The following MACROD2 variants were observed in gnomAD, a reference collection of about 807,000 sequenced individuals.
MACROD2 encodes mono-ADP ribosylhydrolase 2, also known as ADP-ribose glycohydrolase MACROD2.
A neutral mutation model predicts 70.4 loss-of-function variants in MACROD2; 36 were observed. That is an observed-to-expected ratio of 0.51 (90% CI 0.39 to 0.68). The LOEUF is 0.68. MACROD2 is among the 30% of genes least tolerant of loss of function. The probability of loss-of-function intolerance (pLI) is 0.00; values close to 1 mark genes in which losing one functional copy is unlikely to be tolerated. For synonymous variants in MACROD2, 172 were observed against 178.8 expected, an observed-to-expected ratio of 0.96 and a Z score of 0.30; for missense variants, 496 against 538.4, an observed-to-expected ratio of 0.92 and a Z score of 0.78.
At chr20:15,479,439 AT>A (rs1281411889) in intron 7 of MACROD2, among the ~76,000 whole-genome samples, 1 of 150,882 alleles carries the variant, frequency 6.6e-6, no homozygotes, top group Non-Finnish European at 1.5e-5. Flanking sequence ...CGCCCGGCTA[AT>A]TTTTTGTATT....
intron 5 of MACROD2, among the ~76,000 whole-genome samples, chr20:14,862,018 T>TA (rs2073328743): frequency 4.0e-5 from 1 of 25,010 alleles, no homozygotes; most frequent in Non-Finnish European, 6.4e-5. Flanking sequence ...TATATATATA[T>TA]TTATATATAT....
At chr20:15,863,722 G>T (rs989601137) in intron 9 of MACROD2, among the ~76,000 whole-genome samples, 3 of 152,174 alleles carry the variant, frequency 2.0e-5, no homozygotes, top group African/African-American at 7.2e-5. Flanking sequence ...AATGAAGGGT[G>T]CTGATGCATA....
intron 5 of MACROD2, among the ~76,000 whole-genome samples, chr20:14,866,006 A>G (rs1379304844): frequency 1.3e-5 from 2 of 152,136 alleles, no homozygotes; most frequent in Non-Finnish European, 2.9e-5. Flanking sequence ...TTCCAAAAAT[A>G]GCTTCATAAT....
rs536804620 is a variant in MACROD2, at chr20:15,394,296, T to C, written c.541-37109T>C. Among the ~76,000 whole-genome samples the C allele has an allele frequency of 4.5e-4, 68 of 152,308 alleles. 1 individual carries two copies. Among genetic ancestry groups the C allele is most frequent in the Non-Finnish European group, 9.1e-4 (62 of 68,022 alleles). ...GAAAGGAAAACAAATGCCTACAATT[T>C]TGGGTCTTTTCATATCAACTTGGAG... On this transcript the variant is annotated intron_variant, in intron 6 of 17. Coordinates refer to ENST00000684519, the MANE Select transcript of MACROD2 (RefSeq NM_001351661.2).
intron 2 of MACROD2, among the ~76,000 whole-genome samples, chr20:14,051,033 T>G (rs1215735314): frequency 6.6e-6 from 1 of 152,176 alleles, no homozygotes; most frequent in Non-Finnish European, 1.5e-5. Flanking sequence ...TGAAATATAC[T>G]TGTGAAAAGA....
rs1176267641 is a variant in MACROD2 at position 16,052,851 on chromosome 20, G to A, written c.*2975G>A. The A allele has an allele frequency of 6.6e-6, 1 of 152,482 alleles. No homozygotes were observed. The highest frequency in any genetic ancestry group is 1.5e-5 in the Non-Finnish European group (1 of 68,008). 9.4% of individuals were successfully genotyped at this position (152,482 alleles called of 1,614,324 possible). A position where few individuals can be genotyped will look rare whatever the true frequency, so the allele number is the denominator to read the frequency against. On this transcript the variant is annotated 3_prime_UTR_variant, in exon 18 of 18. Coordinates refer to ENST00000684519, the MANE Select transcript of MACROD2 (RefSeq NM_001351661.2). ...TCAATATATTTTCTTGGGGAATAGG[G>A]TTTTTATTACATGATTCATTAAGGA...
At chr20:15,536,143 C>T (rs1051883669) in intron 8 of MACROD2, among the ~76,000 whole-genome samples, 1 of 152,170 alleles carries the variant, frequency 6.6e-6, no homozygotes, top group Admixed American at 6.5e-5. Context: ...TCCAGAGGCT[C>T]GAATCCACTA....
At chr20:14,675,842 G>T (rs1204479263) in intron 4 of MACROD2, among the ~76,000 whole-genome samples, 1 of 151,922 alleles carries the variant, frequency 6.6e-6, no homozygotes, top group Non-Finnish European at 1.5e-5. Context: ...CAAAATAAAG[G>T]GATGGAGGAA....
intron 8 of MACROD2, among the ~76,000 whole-genome samples, chr20:15,610,036 A>G (rs1413260642): frequency 6.6e-6 from 1 of 152,182 alleles, no homozygotes; most frequent in Non-Finnish European, 1.5e-5. Context: ...CCCTTTTGCT[A>G]GCACTCCTGG....
chr20:14,311,676 C>G (rs1209469588), intron 3 of MACROD2, among the ~76,000 whole-genome samples: 1 of 152,046 alleles, frequency 6.6e-6, no homozygotes, highest in East Asian at 1.9e-4. Context: ...CGCCACCATG[C>G]CTGCCTAATT....
rs774538592 is a variant in MACROD2, at chr20:14,325,642, A to G, written c.272-167837A>G. 18 of 1,613,762 alleles carry G rather than the reference A, an allele frequency of 1.1e-5. No homozygotes were observed. Among genetic ancestry groups the G allele is most frequent in the Middle Eastern group, 1.7e-4 (1 of 6,052 alleles). ...GCTTTCACTGTGATTGTTTTTGTACAGATTCATTCCATTAGGAGGAAATAT... is the reference window on the plus strand; with the variant it reads ...GCTTTCACTGTGATTGTTTTTGTACGGATTCATTCCATTAGGAGGAAATAT... On this transcript the variant is annotated intron_variant, in intron 3 of 17. Transcript: ENST00000684519.
intron 3 of MACROD2, among the ~76,000 whole-genome samples, chr20:14,184,122 A>G (rs1488833710): frequency 6.6e-6 from 1 of 152,000 alleles, no homozygotes; most frequent in African/African-American, 2.4e-5. Flanking sequence ...TGTGTCCTGA[A>G]TTGTATTGCA....
chr20:14,478,283 A>G (rs1465162952), intron 3 of MACROD2, among the ~76,000 whole-genome samples: 5 of 152,150 alleles, frequency 3.3e-5, no homozygotes, highest in Admixed American at 3.3e-4. Context: ...CAGAGGACCA[A>G]GACTCATATC....
intron 8 of MACROD2, among the ~76,000 whole-genome samples, chr20:15,686,556 G>A (rs2050227089): frequency 6.6e-6 from 1 of 152,048 alleles, no homozygotes; most frequent in Non-Finnish European, 1.5e-5. Context: ...TCAACCAAAA[G>A]CCACAATTAT....
intron 10 of MACROD2, among the ~76,000 whole-genome samples, chr20:15,917,510 T>G (rs185435818): frequency 7.2e-5 from 11 of 152,322 alleles, no homozygotes; most frequent in Admixed American, 5.2e-4. Flanking sequence ...ACACAGGCTT[T>G]CTATGGCAAT....
chr20:15,584,467 A>G (rs2048568986), intron 8 of MACROD2, among the ~76,000 whole-genome samples: 1 of 152,260 alleles, frequency 6.6e-6, no homozygotes, highest in African/African-American at 2.4e-5. Flanking sequence ...GTAATCTCAA[A>G]CCAGTGATTC....
chr20:15,012,183 C>T (rs1240631420), intron 5 of MACROD2, among the ~76,000 whole-genome samples: 2 of 152,008 alleles, frequency 1.3e-5, no homozygotes, highest in African/African-American at 4.8e-5. Context: ...GGGAACTAAA[C>T]AAAGAAAACA....
chr20:14,797,904 G>A (rs891757915), intron 5 of MACROD2, among the ~76,000 whole-genome samples: 5 of 152,098 alleles, frequency 3.3e-5, no homozygotes, highest in African/African-American at 1.2e-4. Flanking sequence ...CGAGAGGACT[G>A]CGGAGAAACA....
rs541995951 is a variant in MACROD2, at chr20:15,212,202, T to G, written c.419-17738T>G. ...TTCTTTGACTCCTCCTTAAATCTATTAAAAGACAAATTACATGCTTAGCTT... is the reference window on the plus strand; with the variant it reads ...TTCTTTGACTCCTCCTTAAATCTATGAAAAGACAAATTACATGCTTAGCTT... On this transcript the variant is annotated intron_variant, in intron 5 of 17. Coordinates refer to ENST00000684519, the MANE Select transcript of MACROD2 (RefSeq NM_001351661.2). Among the ~76,000 whole-genome samples the G allele has an allele frequency of 2.0e-5, 3 of 152,344 alleles. No homozygotes were observed. In the East Asian group the frequency reaches 5.8e-4, roughly 29 times the overall value.
Sources: allele counts gnomAD v4.1 joint callset (sites outside exome capture counted in the v4.1 genomes callset), GRCh38; gene constraint gnomAD v4.1.1; transcripts MANE v1.5; gene names NCBI Gene and HGNC (gene_info 2026-07-23, HGNC 2026-07-21).